Variants in P3H1 observed in about 807,000 individuals in gnomAD.
P3H1 encodes the protein growth suppressor 1.
P3H1 carries 69 observed loss-of-function variants against 84.0 expected under a neutral mutation model. That is an observed-to-expected ratio of 0.82 (90% CI 0.68 to 1.00). P3H1 has a LOEUF of 1.00. Among genes scored for constraint, P3H1 ranks in the 50% least tolerant of loss-of-function variants. The pLI is 0.00. For missense variants in P3H1, 878 were observed against 962.8 expected (o/e 0.91, Z 1.17); for synonymous variants, 366 against 388.8 (o/e 0.94, Z 0.69).
chr1:42,751,977 C>T (rs1652125252), intron 10 of P3H1: 1 of 444,346 alleles, frequency 2.3e-6, no homozygotes, highest in Non-Finnish European at 4.2e-6. Context: ...TATGAGCACA[C>T]TGTGCATCCT....
At chr1:42,755,080 CAGG>C (rs1652319009) in intron 7 of P3H1, 82 bp downstream of exon 7, 2 of 1,613,438 alleles carry the variant, frequency 1.2e-6, no homozygotes, top group East Asian at 4.5e-5. Flanking sequence ...CACCCCTTGC[CAGG>C]AGTTCACATC....
chr1:42,748,470 G>T (rs1405915825), intron 11 of P3H1, 153 bp from the exon 12 acceptor site: 2 of 716,144 alleles, frequency 2.8e-6, no homozygotes, highest in Non-Finnish European at 2.5e-6. Flanking sequence ...CAAGCCTAGG[G>T]GTCAGGACAA....
chr1:42,751,131 G>A (rs1333088247), intron 10 of P3H1, among the ~76,000 whole-genome samples: 7 of 138,786 alleles, frequency 5.0e-5, no homozygotes, highest in African/African-American at 1.9e-4. Context: ...TAGAAAGGCG[G>A]GAAGGGTGGG....
intron 2 of P3H1, 85 bp from the exon 3 acceptor site, chr1:42,759,475 A>G: frequency 8.3e-7 from 1 of 1,198,846 alleles, no homozygotes; most frequent in Non-Finnish European, 1.2e-6. Flanking sequence ...CAGGGGTCCT[A>G]ATTTCCTGTT....
intron 12 of P3H1, 64 bp from the exon 13 acceptor site, chr1:42,747,862 C>T: frequency 1.4e-6 from 2 of 1,478,926 alleles, no homozygotes; most frequent in Non-Finnish European, 1.9e-6. Context: ...GAGCCTTCAC[C>T]TCCAGGTGCT....
At position 42,766,888 on chromosome 1, in the gene P3H1, T is replaced by C; in HGVS notation, c.84A>G (p.Ala28=). ...AASQAEVESE[A]GWGMVTPDLL... ...GATCAGGCGTCACCATGCCCCATCC[T>C]GCCTCGGACTCGACCTCGGCTTGGG... Residue 28 remains alanine (A), a synonymous_variant, in exon 1 of 15, where the codon GCA becomes GCG. Coordinates refer to ENST00000296388, the MANE Select transcript of P3H1 (RefSeq NM_022356.4). The C allele has an allele frequency of 1.2e-6, 2 of 1,608,678 alleles. No individual in the cohort carries two copies. The highest frequency in any genetic ancestry group is 1.7e-6 in the Non-Finnish European group (2 of 1,179,810).
At chr1:42,748,133 T>G in intron 12 of P3H1, 67 bp downstream of exon 12, 1 of 1,161,580 alleles carries the variant, frequency 8.6e-7, no homozygotes, top group Non-Finnish European at 1.3e-6. Context: ...GGTAGTAGAG[T>G]GCAGGGCACT....
In P3H1 at chr1:42,754,788, G is replaced by C; in HGVS notation, c.1345+81C>G. 6.3e-7 allele frequency: 1 copy of C among 1,588,188 alleles called. No individual in the cohort carries two copies. Among genetic ancestry groups the C allele is most frequent in the South Asian group, 1.1e-5 (1 of 89,906 alleles). On this transcript the variant is annotated intron_variant, in intron 8 of 14. Coordinates refer to ENST00000296388, the MANE Select transcript of P3H1 (RefSeq NM_022356.4). The surrounding 1 kb of genome is among the most constrained non-coding windows in gnomAD (Gnocchi z 4.0). The stretch of plus-strand genomic sequence containing the variant: ...ATGGTGAGCTCTGCAATGCTGGGGT[G>C]GAGCGCTGCCTGGCAAATGTGGGGT...
chr1:42,757,723 T>C (rs1311721644), intron 5 of P3H1, 60 bp downstream of exon 5: 1 of 1,613,786 alleles, frequency 6.2e-7, no homozygotes, highest in Non-Finnish European at 8.5e-7. Flanking sequence ...GCTACCCCAC[T>C]CTTCCGCCCT....
At position 42,766,023 on chromosome 1, in the gene P3H1, A is replaced by C. The variant is rs528927812; in HGVS notation, c.465+484T>G. Among the ~76,000 whole-genome samples, 522 of 109,656 alleles carry C rather than the reference A, an allele frequency of 4.8e-3. 2 individuals carry two copies. The highest frequency in any genetic ancestry group is 0.011 in the African/African-American group (241 of 22,164). 71.9% of individuals were successfully genotyped at this position (109,656 alleles called of 152,430 possible). ...GCCAGAGGGTCCCCCCCCCGCCCCC[A>C]CACACACACAGAAAGGGCCAGGCAG... On this transcript the variant is annotated intron_variant, in intron 1 of 14. Coordinates refer to ENST00000296388, the MANE Select transcript of P3H1 (RefSeq NM_022356.4).
Position 42,746,845 on chromosome 1 carries a change from A to AAGGACAAAC in P3H1, c.2062_2063insGTTTGTCCT (p.Val688delinsGlyLeuSerLeu). The stretch of plus-strand genomic sequence containing the variant: ...CATCTTCACCAGGTCATCTGCCTGC[A>AAGGACAAAC]CCCTGTCCTGCAAGGACAAACCCCT... On this transcript the variant is annotated protein_altering_variant, in exon 15 of 15. Transcript: ENST00000296388. The AAGGACAAAC allele has an allele frequency of 6.2e-7, 1 of 1,613,840 alleles. No homozygotes were observed. Among genetic ancestry groups the AAGGACAAAC allele is most frequent in the Non-Finnish European group, 8.5e-7 (1 of 1,179,938 alleles).
chr1:42,748,434 C>T (rs901499358), intron 11 of P3H1, 117 bp from the exon 12 acceptor site: 1 of 817,444 alleles, frequency 1.2e-6, no homozygotes. Context: ...GCCCAATGAA[C>T]TAGGGGGGTG....
chr1:42,758,084 G>C, intron 4 of P3H1, 162 bp from the exon 5 acceptor site: 1 of 747,850 alleles, frequency 1.3e-6, no homozygotes, highest in South Asian at 1.4e-5. Context: ...GATTTCAGGG[G>C]CAGGAGTTAA....
At chr1:42,747,938 G>A (rs1651823266) in intron 12 of P3H1, 140 bp from the exon 13 acceptor site, 11 of 839,050 alleles carry the variant, frequency 1.3e-5, no homozygotes, top group South Asian at 4.2e-5. Flanking sequence ...TACTGATGCC[G>A]TACAAACTCC....
chr1:42,762,037 A>G (rs1652745229), intron 2 of P3H1: 2 of 335,246 alleles, frequency 6.0e-6, no homozygotes, highest in African/African-American at 2.1e-5. Flanking sequence ...TTTATTTTAT[A>G]CTTACCTACA....
At position 42,750,221 on chromosome 1, in the gene P3H1, G is replaced by A. The variant is rs1651954957; in HGVS notation, c.1685C>T (p.Ser562Phe). The A allele has an allele frequency of 6.2e-7, 1 of 1,613,716 alleles. No homozygotes were observed. The highest frequency in any genetic ancestry group is 8.5e-7 in the Non-Finnish European group (1 of 1,179,840). The change falls in exon 11 of 15, where the codon TCC becomes TTC. Residue 562 changes from serine (S) to phenylalanine (F), a missense_variant. Coordinates refer to ENST00000296388, the MANE Select transcript of P3H1 (RefSeq NM_022356.4). ...AGTGCGGCACACCAGATGAGAGTAGGAAAAGTAGAGGGGCGTATCCAGGCG... is the reference window on the plus strand; with the variant it reads ...AGTGCGGCACACCAGATGAGAGTAGAAAAAGTAGAGGGGCGTATCCAGGCG... ...YFRLDTPLYF[S>F]YSHLVCRTAI...
At chr1:42,755,134 T>G (rs1652323085) in intron 7 of P3H1, 31 bp downstream of exon 7, 2 of 1,613,608 alleles carry the variant, frequency 1.2e-6, no homozygotes, top group Non-Finnish European at 1.7e-6. Context: ...ATCAGACTGA[T>G]CCAACCATGC....
chr1:42,759,269 T>C lies in P3H1; in HGVS notation c.740A>G (p.Glu247Gly). 2 of 1,614,112 alleles carry C rather than the reference T, an allele frequency of 1.2e-6. No homozygotes were observed. Among genetic ancestry groups the C allele is most frequent in the Non-Finnish European group, 1.7e-6 (2 of 1,179,992 alleles). Residue 247 changes from glutamate to glycine, a missense_variant, in exon 3 of 15, where the codon GAA (glutamate) becomes GGA (glycine). Coordinates refer to ENST00000296388, the MANE Select transcript of P3H1 (RefSeq NM_022356.4). The stretch of plus-strand genomic sequence containing the variant: ...GTAGCCATCGTAGTCATAGGGCCCT[T>C]CGCAGAGGGCACGGCACTCCTCATA... ...VAYEECRALCEGPYDYDGYNY... is the reference protein window; with the variant it reads ...VAYEECRALCGGPYDYDGYNY...
At chr1:42,750,746 C>T (rs1447447848) in intron 10 of P3H1, among the ~76,000 whole-genome samples, 6 of 143,894 alleles carry the variant, frequency 4.2e-5, no homozygotes, top group Admixed American at 1.4e-4. Context: ...TGAGGGGCGC[C>T]TCTGCCCGGC....
Sources: gnomAD v4.1 joint callset for allele counts (sites outside exome capture counted in the v4.1 genomes callset) on GRCh38, gnomAD v4.1.1 for gene constraint, Gnocchi (gnomAD v3.1) non-coding constraint, MANE v1.5 for transcripts, NCBI Gene and HGNC (gene_info 2026-07-23, HGNC 2026-07-21) for gene names.